Variants in MTMR8 observed in about 807,000 individuals in gnomAD.
The protein encoded by MTMR8 is phosphatidylinositol-3,5-bisphosphate 3-phosphatase MTMR8.
MTMR8 carries 65 observed loss-of-function variants against 39.3 expected under a neutral mutation model. That is an observed-to-expected ratio of 1.65 (90% CI 1.35 to 2.03). The LOEUF is 2.03. Ranked by LOEUF, MTMR8 falls within the 30% of genes most tolerant of loss-of-function variation. The probability of loss-of-function intolerance (pLI) is 0.00; values close to 1 mark genes in which losing one functional copy is unlikely to be tolerated. For synonymous variants in MTMR8, 245 were observed against 185.2 expected (o/e 1.32, Z -2.62); for missense variants, 777 against 538.9 (o/e 1.44, Z -4.37).
chrX:64,345,144 C>G lies in MTMR8; in HGVS notation c.766G>C (p.Gly256Arg), dbSNP rs1210285206. The G allele has an allele frequency of 8.3e-7, 1 of 1,211,241 alleles. No individual in the cohort carries two copies. Among genetic ancestry groups the G allele is most frequent in the Non-Finnish European group, 1.1e-6 (1 of 895,072 alleles). ...GCATAGTTGTCTTCATTTTCATACC[C>G]CTTCCCAGCTGCTCGGTTGGCCATG... ...NAMANRAAGKGYENEDNYANI... is the reference protein window; with the variant it reads ...NAMANRAAGKRYENEDNYANI... The change falls in exon 7 of 14, where the codon GGG becomes CGG. Residue 256 changes from glycine to arginine, a missense_variant. Transcript: ENST00000374852.
intron 12 of MTMR8, among the ~76,000 whole-genome samples, chrX:64,301,149 C>A (rs1303668887): frequency 9.1e-6 from 1 of 109,508 alleles, no homozygotes; most frequent in East Asian, 2.9e-4. Context: ...GGAAGTTCTC[C>A]TGGATAATAT....
chrX:64,336,156 G>C lies in MTMR8; in HGVS notation c.1102-28C>G, dbSNP rs147190826. On this transcript the variant is annotated intron_variant, in intron 9 of 13. Coordinates refer to ENST00000374852, the MANE Select transcript of MTMR8 (RefSeq NM_017677.4). Reference sequence around the variant, plus strand: ...TCATTTTATAGAAAAGAAAGTGTTTGCATTAGGAAAATCATAAAATGAATT... The same window carrying C: ...TCATTTTATAGAAAAGAAAGTGTTTCCATTAGGAAAATCATAAAATGAATT... 9.0e-4 allele frequency: 981 copies of C among 1,092,208 alleles called. 5 individuals carry two copies. In the African/African-American group the frequency reaches 0.015, roughly 17 times the overall value. 90.0% of individuals were successfully genotyped at this position (1,092,208 alleles called of 1,213,427 possible). A position where few individuals can be genotyped will look rare whatever the true frequency, so the allele number is the denominator to read the frequency against.
chrX:64,376,226 C>T lies in MTMR8; in HGVS notation c.25-16699G>A, dbSNP rs1002402343. ...AAAGAAGAACATTGCTAAAAAGATACCTGAAAATGTGGAAGCAGCTTTGAA... is the reference window on the plus strand; with the variant it reads ...AAAGAAGAACATTGCTAAAAAGATATCTGAAAATGTGGAAGCAGCTTTGAA... On this transcript the variant is annotated intron_variant, in intron 1 of 13. Coordinates refer to ENST00000374852, the MANE Select transcript of MTMR8 (RefSeq NM_017677.4). 3.6e-5 allele frequency among the ~76,000 whole-genome samples: 4 copies of T among 111,943 alleles called. No homozygotes were observed. In the Admixed American group the frequency reaches 3.8e-4, roughly 11 times the overall value.
At chrX:64,280,020 G>A (rs1261665530) in intron 12 of MTMR8, among the ~76,000 whole-genome samples, 1 of 111,923 alleles carries the variant, frequency 8.9e-6, no homozygotes, top group African/African-American at 3.2e-5. Flanking sequence ...TTATTGAATA[G>A]ACAAATAACA....
chrX:64,377,345 G>A (rs1354445551), intron 1 of MTMR8, among the ~76,000 whole-genome samples: 1 of 112,050 alleles, frequency 8.9e-6, no homozygotes, highest in African/African-American at 3.2e-5. Flanking sequence ...CCCACAGCAA[G>A]CACTCTACAC....
intron 12 of MTMR8, among the ~76,000 whole-genome samples, chrX:64,304,012 AT>A (rs905343367): frequency 8.9e-6 from 1 of 111,752 alleles, no homozygotes; most frequent in South Asian, 3.8e-4. Flanking sequence ...AAAAGTTATG[AT>A]TTTTTTCATG....
chrX:64,376,358 T>C (rs1022402344), intron 1 of MTMR8, among the ~76,000 whole-genome samples: 4 of 111,949 alleles, frequency 3.6e-5, no homozygotes, highest in Non-Finnish European at 7.5e-5. Flanking sequence ...ACCAAAATGT[T>C]GATAGTGATA....
rs1159255685 is a variant in MTMR8, at chrX:64,286,764, C to T, written c.1482-15691G>A. Among the ~76,000 whole-genome samples the T allele has an allele frequency of 2.7e-5, 3 of 111,427 alleles. No homozygotes were observed. In the Admixed American group the frequency reaches 2.9e-4, roughly 11 times the overall value. On this transcript the variant is annotated intron_variant, in intron 12 of 13. Coordinates refer to ENST00000374852, the MANE Select transcript of MTMR8 (RefSeq NM_017677.4). ...AAGGCCTTTGACAAAATTCAACAGC[C>T]CTTCATGCTAAAAACTCTCAATAAA...
intron 8 of MTMR8, among the ~76,000 whole-genome samples, chrX:64,343,092 T>C (rs185574109): frequency 5.4e-5 from 6 of 111,457 alleles, no homozygotes; most frequent in East Asian, 5.7e-4. Flanking sequence ...AAAAAATAGG[T>C]CTTTGTACTC....
At chrX:64,295,841 T>C (rs1484562970) in intron 12 of MTMR8, among the ~76,000 whole-genome samples, 1 of 110,699 alleles carries the variant, frequency 9.0e-6, no homozygotes, top group African/African-American at 3.3e-5. Flanking sequence ...AAAAATAGAG[T>C]CCTTGTGCAT....
chrX:64,285,603 C>T (rs1291850309), intron 12 of MTMR8, among the ~76,000 whole-genome samples: 2 of 111,922 alleles, frequency 1.8e-5, no homozygotes, highest in African/African-American at 6.5e-5. Context: ...TGTAAAAGAA[C>T]AGAAATTATA....
At chrX:64,347,606 A>G (rs1923377141) in intron 6 of MTMR8, among the ~76,000 whole-genome samples, 1 of 112,537 alleles carries the variant, frequency 8.9e-6, no homozygotes, top group Non-Finnish European at 1.9e-5. Flanking sequence ...CTCTTAAGTC[A>G]CAACCATCTG....
chrX:64,290,398 A>G (rs367952203), intron 12 of MTMR8, among the ~76,000 whole-genome samples: 1 of 110,813 alleles, frequency 9.0e-6, no homozygotes, highest in East Asian at 2.8e-4. Flanking sequence ...TATAACATTT[A>G]TTACCATCTC....
chrX:64,319,112 G>T (rs956195900), intron 12 of MTMR8, among the ~76,000 whole-genome samples: 1 of 112,349 alleles, frequency 8.9e-6, no homozygotes, highest in African/African-American at 3.2e-5. Flanking sequence ...AGAATAATTG[G>T]TGGCAATGAA....
At chrX:64,321,570 C>T (rs904396682) in intron 12 of MTMR8, among the ~76,000 whole-genome samples, 3 of 111,541 alleles carry the variant, frequency 2.7e-5, no homozygotes, top group African/African-American at 9.8e-5. Context: ...TGAAAAGAGC[C>T]TCAGGGTCCT....
At chrX:64,376,742 G>C (rs1020743088) in intron 1 of MTMR8, among the ~76,000 whole-genome samples, 13 of 112,527 alleles carry the variant, frequency 1.2e-4, no homozygotes, top group African/African-American at 4.2e-4. Flanking sequence ...ATTCAAACTG[G>C]ATGCAGAAAT....
chrX:64,300,936 C>T (rs1472198275), intron 12 of MTMR8, among the ~76,000 whole-genome samples: 12 of 109,726 alleles, frequency 1.1e-4, no homozygotes, highest in Non-Finnish European at 1.9e-4. Flanking sequence ...GGGTTTCTGC[C>T]GAGAGATCCG....
intron 3 of MTMR8, among the ~76,000 whole-genome samples, 165 bp downstream of exon 3, chrX:64,356,011 A>G (rs1188378876): frequency 8.9e-6 from 1 of 111,796 alleles, no homozygotes; most frequent in Non-Finnish European, 1.9e-5. Flanking sequence ...TTACAGGTAA[A>G]GAAAATGAGT....
At chrX:64,297,686 G>A (rs1921667822) in intron 12 of MTMR8, among the ~76,000 whole-genome samples, 2 of 102,046 alleles carry the variant, frequency 2.0e-5, no homozygotes, top group East Asian at 3.2e-4. Context: ...TAATGCCTAG[G>A]TTTTCTTCTA....
Sources: gnomAD v4.1 joint callset for allele counts (sites outside exome capture counted in the v4.1 genomes callset) on GRCh38, gnomAD v4.1.1 for gene constraint, MANE v1.5 for transcripts, NCBI Gene and HGNC (gene_info 2026-07-23, HGNC 2026-07-21) for gene names.